Variants in PCDHA11 observed in about 807,000 individuals in gnomAD.
The protein encoded by PCDHA11 is protocadherin alpha-11.
PCDHA11 carries 61 observed loss-of-function variants against 70.3 expected under a neutral mutation model. The ratio of observed to expected loss-of-function variants is 0.87; its 90% CI spans 0.71 to 1.07. The LOEUF is 1.07. Among genes scored for constraint, PCDHA11 ranks in the 50% least tolerant of loss-of-function variants. The pLI is 0.00. For missense variants in PCDHA11, 1,324 were observed against 1,237.5 expected (o/e 1.07, Z -1.05); for synonymous variants, 633 against 555.1 (o/e 1.14, Z -1.97).
At chr5:141,003,814 G>A (rs2098139841) in intron 3 of PCDHA11, among the ~76,000 whole-genome samples, 1 of 152,088 alleles carries the variant, frequency 6.6e-6, no homozygotes, top group Admixed American at 6.6e-5. Context: ...CTGTAGTCTG[G>A]GAAGGGCTCT....
At chr5:141,001,025 TA>T (rs1300694860) in intron 3 of PCDHA11, among the ~76,000 whole-genome samples, 1 of 152,246 alleles carries the variant, frequency 6.6e-6, no homozygotes, top group African/African-American at 2.4e-5. Context: ...ACACTTATAA[TA>T]ATAGCTTTAA....
chr5:140,870,260 G>C lies in PCDHA11; in HGVS notation c.1157G>C (p.Cys386Ser). 1.9e-6 allele frequency: 3 copies of C among 1,614,200 alleles called. No homozygotes were observed. Among genetic ancestry groups the C allele is most frequent in the Non-Finnish European group, 2.5e-6 (3 of 1,180,032 alleles). ...RDSGVNGQVT[C>S]SLTPHVPFKL... is the part of the protein sequence containing the mutation. The stretch of plus-strand genomic sequence containing the variant: ...TCAGGTGTCAACGGACAGGTGACCT[G>C]CTCGCTGACGCCCCACGTTCCCTTC... The change falls in exon 1 of 4, where the codon TGC becomes TCC. Residue 386 changes from cysteine (C) to serine (S), a missense_variant. Cys to Ser is a moderately radical substitution (Grantham distance 112). Transcript: ENST00000398640.
chr5:140,932,991 C>T (rs2088784414), intron 1 of PCDHA11, among the ~76,000 whole-genome samples: 1 of 151,940 alleles, frequency 6.6e-6, no homozygotes, highest in African/African-American at 2.4e-5. Context: ...AAATGCATGT[C>T]ATATGAATAT....
chr5:140,874,195 A>C (rs2054770978), intron 1 of PCDHA11, among the ~76,000 whole-genome samples: 1 of 152,222 alleles, frequency 6.6e-6, no homozygotes, highest in Non-Finnish European at 1.5e-5. Flanking sequence ...GTCATATTTC[A>C]GTTGCCTTTA....
chr5:140,993,462 TCACACACACACACACACA>T (rs3836747), intron 3 of PCDHA11, among the ~76,000 whole-genome samples: 75 of 141,044 alleles, frequency 5.3e-4, no homozygotes, highest in African/African-American at 1.6e-3. Flanking sequence ...TCTTTCTTTC[TCACACACACACACACACA>T]CACACACACA....
Position 140,882,398 on chromosome 5 carries a change from T to C in PCDHA11, c.2391+10904T>C, listed in dbSNP as rs782596260. The C allele has an allele frequency of 5.6e-6, 9 of 1,614,040 alleles. No individual in the cohort carries two copies. In the African/African-American group the frequency reaches 9.3e-5, roughly 17 times the overall value. On this transcript the variant is annotated intron_variant, in intron 1 of 3. Coordinates refer to ENST00000398640, the MANE Select transcript of PCDHA11 (RefSeq NM_018902.5). ...CCCCGAGGAAGCAAAACACGGCACCTTCGTGGGCCGCATCGCTCAGGACCT... is the reference window on the plus strand; with the variant it reads ...CCCCGAGGAAGCAAAACACGGCACCCTCGTGGGCCGCATCGCTCAGGACCT...
At chr5:140,950,050 T>C (rs1554219269) in intron 1 of PCDHA11, among the ~76,000 whole-genome samples, 3 of 151,956 alleles carry the variant, frequency 2.0e-5, no homozygotes, top group Admixed American at 6.6e-5. Context: ...CATATAAGAC[T>C]ATTTAGCTCT....
At chr5:140,886,654 T>C (rs2061065769) in intron 1 of PCDHA11, among the ~76,000 whole-genome samples, 1 of 151,782 alleles carries the variant, frequency 6.6e-6, no homozygotes, top group African/African-American at 2.4e-5. Context: ...GGTGAAACCC[T>C]GTCTCTACTA....
At chr5:140,885,124 T>C (rs1019759458) in intron 1 of PCDHA11, among the ~76,000 whole-genome samples, 35 of 152,216 alleles carry the variant, frequency 2.3e-4, no homozygotes, top group African/African-American at 8.2e-4. Flanking sequence ...TGCACTTTTC[T>C]TTCTTTCTTT....
intron 3 of PCDHA11, among the ~76,000 whole-genome samples, chr5:140,988,599 G>A (rs782117836): frequency 6.6e-6 from 1 of 152,154 alleles, no homozygotes; most frequent in Non-Finnish European, 1.5e-5. Flanking sequence ...TAATGGTCAT[G>A]TAAATAAAAG....
chr5:140,909,442 A>T (rs1345461412), intron 1 of PCDHA11, among the ~76,000 whole-genome samples: 11 of 152,234 alleles, frequency 7.2e-5, no homozygotes, highest in African/African-American at 2.7e-4. Context: ...ATCCACTGTC[A>T]TTCTCCAAGA....
chr5:141,007,775 A>G (rs1156577699), intron 3 of PCDHA11, among the ~76,000 whole-genome samples: 2 of 152,216 alleles, frequency 1.3e-5, no homozygotes, highest in Non-Finnish European at 2.9e-5. Context: ...TGGAAATGGT[A>G]CTGCTTTACA....
intron 1 of PCDHA11, among the ~76,000 whole-genome samples, chr5:140,906,204 C>A (rs2072457750): frequency 6.6e-6 from 1 of 152,192 alleles, no homozygotes. Context: ...AGTTGACACT[C>A]AGTATTAACC....
intron 3 of PCDHA11, among the ~76,000 whole-genome samples, chr5:140,989,704 A>G (rs1011656518): frequency 9.2e-5 from 14 of 152,202 alleles, no homozygotes; most frequent in Admixed American, 9.2e-4. Context: ...TTTTATCTTC[A>G]GAGGCAGTCA....
chr5:140,952,378 A>G (rs1282372403), intron 1 of PCDHA11, among the ~76,000 whole-genome samples: 1 of 151,376 alleles, frequency 6.6e-6, no homozygotes, highest in Non-Finnish European at 1.5e-5. Flanking sequence ...TTCCTCTGCC[A>G]GGTACCCTAA....
At chr5:140,946,611 A>ATATATATATATATATATATATATAT (rs2093972523) in intron 1 of PCDHA11, among the ~76,000 whole-genome samples, 1 of 86,812 alleles carries the variant, frequency 1.2e-5, no homozygotes, top group African/African-American at 6.4e-5. Context: ...GAAAATGTGA[A>ATATATATATATATATATATATATAT]ATATATATAT....
At chr5:140,918,971 T>C (rs1342049692) in intron 1 of PCDHA11, among the ~76,000 whole-genome samples, 3 of 152,234 alleles carry the variant, frequency 2.0e-5, no homozygotes, top group Admixed American at 6.5e-5. Flanking sequence ...AGATATCGTT[T>C]AGGTTAGTTG....
intron 1 of PCDHA11, chr5:140,966,748 T>G: frequency 1.4e-6 from 2 of 1,426,956 alleles, no homozygotes; most frequent in Non-Finnish European, 1.8e-6. Flanking sequence ...CCCGGCTGCC[T>G]CCGCCGCGGC....
rs533097473 is a variant in PCDHA11 at position 140,902,214 on chromosome 5, T to C, written c.2391+30720T>C. ...CTCTCTCTCTCTTTCTTTTTTTTTT[T>C]TTTTTTTGAGATGAGGACTTGCTTT... On this transcript the variant is annotated intron_variant, in intron 1 of 3. Coordinates refer to ENST00000398640, the MANE Select transcript of PCDHA11 (RefSeq NM_018902.5). Among the ~76,000 whole-genome samples the C allele has an allele frequency of 1.3e-3, 198 of 150,584 alleles. 6 individuals are homozygous for C. The South Asian group carries it at 0.04, about 30-fold the overall frequency.
Sources: gnomAD v4.1 joint callset for allele counts (sites outside exome capture counted in the v4.1 genomes callset) on GRCh38, gnomAD v4.1.1 for gene constraint, MANE v1.5 for transcripts, NCBI Gene and HGNC (gene_info 2026-07-23, HGNC 2026-07-21) for gene names.